AK9: variants seen among roughly 807,000 people sequenced by gnomAD.
AK9 encodes the protein adenylate kinase 9.
AK9 carries 191 observed loss-of-function variants against 239.6 expected under a neutral mutation model. The ratio of observed to expected loss-of-function variants is 0.80; its 90% confidence interval spans 0.71 to 0.90. The LOEUF (loss-of-function observed/expected upper bound fraction) is 0.90, where lower values mean the gene tolerates loss of function less well. Among genes scored for constraint, AK9 ranks in the 40% least tolerant of loss-of-function variants. The pLI is 0.00. For synonymous variants in AK9, 689 were observed against 721.0 expected (o/e 0.96, Z 0.71); for missense variants, 1,995 against 2,214.7 (o/e 0.90, Z 1.99).
At chr6:109,594,751 CA>C (rs1274167874) in intron 17 of AK9, among the ~76,000 whole-genome samples, 1 of 152,104 alleles carries the variant, frequency 6.6e-6, no homozygotes, top group Non-Finnish European at 1.5e-5. Context: ...CAAAAACAAG[CA>C]ATGGGGAAAG....
chr6:109,497,491 G>A lies in AK9; in HGVS notation c.5289C>T (p.Asn1763=). Residue 1763 remains asparagine, a synonymous_variant, in exon 38 of 41, where the codon AAC becomes AAT. Transcript: ENST00000424296. ...EYHNRIYICE[N]KEKLQKFLRS... ...TCAAAAATTTCTGGAGTTTTTCTTT[G>A]TTCTCACAAATATATATACGATTAT... 1 of 1,599,434 alleles carries A rather than the reference G, an allele frequency of 6.3e-7. No individual in the cohort carries two copies. The highest frequency in any genetic ancestry group is 8.6e-7 in the Non-Finnish European group (1 of 1,168,670).
At chr6:109,501,113 C>T (rs138948107) in intron 35 of AK9, among the ~76,000 whole-genome samples, 1 of 152,208 alleles carries the variant, frequency 6.6e-6, no homozygotes, top group Admixed American at 6.5e-5. Flanking sequence ...AATAGGTTGA[C>T]CCTTCCCCAC....
At chr6:109,678,459 G>C (rs543025243) in intron 1 of AK9, among the ~76,000 whole-genome samples, 5 of 152,288 alleles carry the variant, frequency 3.3e-5, no homozygotes, top group Non-Finnish European at 5.9e-5. Context: ...GCAACATATG[G>C]AATGGAAACG....
chr6:109,562,845 A>G (rs993727969), intron 24 of AK9, among the ~76,000 whole-genome samples: 1 of 152,136 alleles, frequency 6.6e-6, no homozygotes, highest in African/African-American at 2.4e-5. Context: ...ACCAGAGACC[A>G]TTTTATGGTG....
rs751821895 is a variant in AK9 at position 109,641,488 on chromosome 6, T to C, written c.933+30A>G. 9 of 1,565,658 alleles carry C rather than the reference T, an allele frequency of 5.7e-6. No homozygotes were observed. In the African/African-American group the frequency reaches 1.1e-4, roughly 19 times the overall value. On this transcript the variant is annotated intron_variant, in intron 10 of 40. Coordinates refer to ENST00000424296, the MANE Select transcript of AK9 (RefSeq NM_001145128.3). ...CCTGCCCACAACATATATTGAAAAT[T>C]AGACTTTCAGACAGTTCCATATAAC...
intron 19 of AK9, among the ~76,000 whole-genome samples, chr6:109,579,957 T>A (rs567084366): frequency 1.3e-4 from 20 of 152,302 alleles, no homozygotes; most frequent in African/African-American, 4.3e-4. Context: ...ATGTTCACAA[T>A]ATAATGTCAA....
At chr6:109,651,776 A>G (rs1798986996) in intron 8 of AK9, among the ~76,000 whole-genome samples, 1 of 152,124 alleles carries the variant, frequency 6.6e-6, no homozygotes, top group African/African-American at 2.4e-5. Flanking sequence ...CTACCATCAG[A>G]GAATACTATA....
intron 29 of AK9, among the ~76,000 whole-genome samples, chr6:109,525,389 G>A (rs1040099419): frequency 2.6e-5 from 4 of 152,158 alleles, no homozygotes; most frequent in Admixed American, 1.3e-4. Context: ...AACAGAATGG[G>A]AGAAAATATT....
intron 17 of AK9, among the ~76,000 whole-genome samples, chr6:109,600,242 G>A (rs2128227705): frequency 6.6e-6 from 1 of 152,234 alleles, no homozygotes; most frequent in South Asian, 2.1e-4. Flanking sequence ...ATTATTTTGA[G>A]ATACGTCCCA....
At position 109,633,328 on chromosome 6, in the gene AK9, G is replaced by A. The variant is rs777418407; in HGVS notation, c.934-5C>T. On this transcript the variant is annotated splice_region_variant and splice_polypyrimidine_tract_variant and intron_variant, in intron 10 of 40. Coordinates refer to ENST00000424296, the MANE Select transcript of AK9 (RefSeq NM_001145128.3). ...AAGAGTACGAAATAGCTCATCCTGT[G>A]AATTGCAAATACTACATTAAAAATA... is the stretch of plus-strand genomic sequence containing the variant. 3.1e-6 allele frequency: 5 copies of A among 1,587,988 alleles called. No individual in the cohort carries two copies. The highest frequency in any genetic ancestry group is 4.3e-6 in the Non-Finnish European group (5 of 1,175,438).
chr6:109,605,301 C>T (rs1456437146), intron 17 of AK9, among the ~76,000 whole-genome samples: 2 of 152,150 alleles, frequency 1.3e-5, no homozygotes, highest in Non-Finnish European at 2.9e-5. Flanking sequence ...ATAGGAATAT[C>T]ATTGTCTTAT....
Position 109,579,571 on chromosome 6 carries a change from G to T in AK9, c.2170C>A (p.Leu724Ile), listed in dbSNP as rs749426873. The T allele has an allele frequency of 6.4e-7, 1 of 1,551,464 alleles. No homozygotes were observed. Among genetic ancestry groups the T allele is most frequent in the Non-Finnish European group, 8.7e-7 (1 of 1,146,796 alleles). The change falls in exon 20 of 41, where the codon CTT becomes ATT. Residue 724 changes from leucine to isoleucine, a missense_variant. By Grantham distance (5) the Leu-to-Ile change is conservative. Transcript: ENST00000424296. ...TTGCCTTTTGCCTTCACTTTCATAA[G>T]TTCCAGTAGCCTTCGATTTTCTTCT... is the stretch of plus-strand genomic sequence containing the variant. ...LEEENRRLLE[L>I]MKVKAKEAEE...
chr6:109,632,244 T>G, intron 12 of AK9: 1 of 985,464 alleles, frequency 1.0e-6, no homozygotes, highest in African/African-American at 1.7e-5. Context: ...TTTGAACAAC[T>G]TCTAACACCT....
Position 109,674,221 on chromosome 6 carries a change from G to A in AK9, c.158C>T (p.Ala53Val), listed in dbSNP as rs1339890107. The change falls in exon 3 of 41, where the codon GCA (alanine) becomes GTA (valine). Residue 53 changes from alanine (A) to valine (V), a missense_variant. Ala to Val is a moderately conservative substitution (Grantham distance 64). Transcript: ENST00000424296. ...KTTLARYITQAWKCIRVEALP... is the reference protein window; with the variant it reads ...KTTLARYITQVWKCIRVEALP... ...ACCTTCAACACGAATACATTTCCATGCCTGTGTTATGTAACGGGCTAATGT... is the reference window on the plus strand; with the variant it reads ...ACCTTCAACACGAATACATTTCCATACCTGTGTTATGTAACGGGCTAATGT... 1 of 1,587,302 alleles carries A rather than the reference G, an allele frequency of 6.3e-7. No homozygotes were observed. Among genetic ancestry groups the A allele is most frequent in the Non-Finnish European group, 8.6e-7 (1 of 1,169,186 alleles).
At position 109,672,006 on chromosome 6, in the gene AK9, T is replaced by C; in HGVS notation, c.244A>G (p.Met82Val). 2.5e-5 allele frequency: 40 copies of C among 1,614,000 alleles called. No individual in the cohort carries two copies. The highest frequency in any genetic ancestry group is 3.2e-5 in the Non-Finnish European group (38 of 1,179,928). The change falls in exon 5 of 41, where the codon ATG (methionine) becomes GTG (valine). Residue 82 changes from methionine to valine, a missense_variant. Physicochemically the swap from Met to Val is conservative, Grantham distance 21 (BLOSUM62 1). This residue lies in a region of AK9 where 252 missense variants were observed against 246.4 expected (regional missense o/e 1.02). Transcript: ENST00000424296. ...ETESGVMLQS[M>V]LISGQSIPDE... is the part of the protein sequence containing the mutation. Reference sequence around the variant, plus strand: ...GGAATGCTTTGACCGCTGATCAACATTGATTGCAACTAAGGACAAGCATAG... The same window carrying C: ...GGAATGCTTTGACCGCTGATCAACACTGATTGCAACTAAGGACAAGCATAG...
At chr6:109,522,359 A>G (rs149309993) in intron 29 of AK9, among the ~76,000 whole-genome samples, 1 of 151,926 alleles carries the variant, frequency 6.6e-6, no homozygotes, top group South Asian at 2.1e-4. Context: ...CATTTCTTAG[A>G]ATATTTCCTT....
Position 109,533,475 on chromosome 6 carries a change from T to A in AK9, c.3351-5A>T. 1 of 1,564,628 alleles carries A rather than the reference T, an allele frequency of 6.4e-7. No individual in the cohort carries two copies. The highest frequency in any genetic ancestry group is 8.6e-7 in the Non-Finnish European group (1 of 1,161,344). On this transcript the variant is annotated splice_polypyrimidine_tract_variant and splice_region_variant and intron_variant, in intron 27 of 40. Transcript: ENST00000424296. Reference sequence around the variant, plus strand: ...TCTAATATAAAACCTGTGGAACTGGTGGAAATTTTCATAATTTACTTTATT... The same window carrying A: ...TCTAATATAAAACCTGTGGAACTGGAGGAAATTTTCATAATTTACTTTATT...
intron 25 of AK9, among the ~76,000 whole-genome samples, chr6:109,548,450 T>C (rs1032947388): frequency 2.6e-5 from 4 of 152,170 alleles, no homozygotes; most frequent in Non-Finnish European, 5.9e-5. Flanking sequence ...TATGAAAGTT[T>C]CGGGGACAAT....
chr6:109,662,414 A>G (rs1241414424), intron 6 of AK9, 137 bp downstream of exon 6: 12 of 667,826 alleles, frequency 1.8e-5, no homozygotes, highest in Admixed American at 1.4e-4. Context: ...AACTATGAGA[A>G]GTATGACTCA....
Sources: gnomAD v4.1 joint callset for allele counts (sites outside exome capture counted in the v4.1 genomes callset) on GRCh38, gnomAD v4.1.1 for gene constraint, gnomAD v4.1.1 regional missense constraint, MANE v1.5 for transcripts, NCBI Gene and HGNC (gene_info 2026-07-23, HGNC 2026-07-21) for gene names.